MTSS1: variants seen among roughly 807,000 people sequenced by gnomAD.
The protein encoded by MTSS1 is protein MTSS 1.
A neutral mutation model predicts 79.0 loss-of-function variants in MTSS1; 18 were observed. The ratio of observed to expected loss-of-function variants is 0.23; its 90% confidence interval spans 0.16 to 0.34. MTSS1 has a LOEUF of 0.34. Ranked by LOEUF, MTSS1 falls within the 10% of genes least tolerant of loss-of-function variation. The pLI is 1.00. For missense variants in MTSS1, 815 were observed against 986.2 expected (o/e 0.83, Z 2.33); for synonymous variants, 341 against 368.6 (o/e 0.93, Z 0.86).
intron 3 of MTSS1, chr8:124,673,075 GACTAGTGC>G (rs1433166207): frequency 1.3e-5 from 2 of 152,120 alleles, no homozygotes; most frequent in Non-Finnish European, 2.9e-5. Flanking sequence ...GTTCTCGCTG[GACTAGTGC>G]ACTATGTTAG....
At chr8:124,585,572 G>A (rs1030743515) in intron 5 of MTSS1, among the ~76,000 whole-genome samples, 5 of 151,798 alleles carry the variant, frequency 3.3e-5, no homozygotes, top group Non-Finnish European at 4.4e-5. Flanking sequence ...CCACCACCAC[G>A]CCCAGCTAAT....
At chr8:124,586,978 A>C (rs1224965705) in intron 5 of MTSS1, among the ~76,000 whole-genome samples, 1 of 152,198 alleles carries the variant, frequency 6.6e-6, no homozygotes, top group Non-Finnish European at 1.5e-5. Context: ...CTACTCTTAT[A>C]AAAGGCCTTA....
At chr8:124,606,174 T>G (rs1177779211) in intron 3 of MTSS1, among the ~76,000 whole-genome samples, 2 of 144,622 alleles carry the variant, frequency 1.4e-5, no homozygotes, top group South Asian at 2.1e-4. Flanking sequence ...GTTTTTTGTT[T>G]TTTTTTTTTT....
At chr8:124,640,513 C>T (rs992783549) in intron 3 of MTSS1, among the ~76,000 whole-genome samples, 2 of 152,138 alleles carry the variant, frequency 1.3e-5, no homozygotes, top group African/African-American at 4.8e-5. Context: ...AGTTTCACTA[C>T]TTACAAAGTA....
intron 3 of MTSS1, among the ~76,000 whole-genome samples, chr8:124,698,506 C>CTTTTTTT (rs148481676): frequency 3.2e-5 from 4 of 124,766 alleles, no homozygotes; most frequent in African/African-American, 6.1e-5. Context: ...TGTTGCTTTT[C>CTTTTTTT]TTTTTTTTTT....
intron 3 of MTSS1, among the ~76,000 whole-genome samples, chr8:124,676,513 C>A (rs1484969292): frequency 6.6e-6 from 1 of 152,180 alleles, no homozygotes; most frequent in Non-Finnish European, 1.5e-5. Context: ...GGCAACCTGG[C>A]CAGCCTTCTG....
rs550654085 is a variant in MTSS1, at chr8:124,688,043, G to A, written c.208+11483C>T. ...TTTCCATGGTAACCGAGGTCCCTGG[G>A]CCCTAGCACACACAGCAGGAAATGC... On this transcript the variant is annotated intron_variant, in intron 3 of 13. Transcript: ENST00000518547. 1.0e-3 allele frequency among the ~76,000 whole-genome samples: 158 copies of A among 152,232 alleles called. 1 individual carries two copies. Among genetic ancestry groups the A allele is most frequent in the Non-Finnish European group, 1.9e-3 (129 of 68,014 alleles).
intron 3 of MTSS1, among the ~76,000 whole-genome samples, chr8:124,628,618 G>C (rs1263010856): frequency 6.6e-6 from 1 of 152,102 alleles, no homozygotes; most frequent in African/African-American, 2.4e-5. Flanking sequence ...CAACTCCATT[G>C]GGGAACTTTC....
chr8:124,589,613 C>G lies in MTSS1; in HGVS notation c.385+7G>C, dbSNP rs1401407218. On this transcript the variant is annotated splice_region_variant and intron_variant, in intron 5 of 13. Coordinates refer to ENST00000518547, the MANE Select transcript of MTSS1 (RefSeq NM_014751.6). ...GCAGTGATGCGCTAGACATCTCGCCCCTGTACCTTTTGCGTGGTCTTTATC... is the reference window on the plus strand; with the variant it reads ...GCAGTGATGCGCTAGACATCTCGCCGCTGTACCTTTTGCGTGGTCTTTATC... The G allele has an allele frequency of 2.0e-5, 33 of 1,611,558 alleles. No individual in the cohort carries two copies. The highest frequency in any genetic ancestry group is 2.8e-5 in the Non-Finnish European group (33 of 1,178,752).
At chr8:124,673,843 G>A (rs1824763024) in intron 3 of MTSS1, among the ~76,000 whole-genome samples, 1 of 152,152 alleles carries the variant, frequency 6.6e-6, no homozygotes, top group African/African-American at 2.4e-5. Context: ...AGATCTACCT[G>A]AAAAATGGCA....
intron 3 of MTSS1, among the ~76,000 whole-genome samples, chr8:124,615,851 C>G (rs1276072857): frequency 6.6e-6 from 1 of 152,242 alleles, no homozygotes; most frequent in African/African-American, 2.4e-5. Context: ...CCTAGAACTA[C>G]TGGTGGCCCT....
At chr8:124,616,551 C>T (rs1836905996) in intron 3 of MTSS1, among the ~76,000 whole-genome samples, 1 of 152,172 alleles carries the variant, frequency 6.6e-6, no homozygotes, top group African/African-American at 2.4e-5. Flanking sequence ...GTCCAGGTCT[C>T]ACCAGAGAGT....
At chr8:124,556,443 G>A in intron 11 of MTSS1, 38 bp from the exon 12 acceptor site, 1 of 1,570,604 alleles carries the variant, frequency 6.4e-7, no homozygotes, top group South Asian at 1.2e-5. Context: ...CAGGGCCTCT[G>A]CCTCCACTGG....
At chr8:124,594,232 T>C (rs1832356537) in intron 3 of MTSS1, among the ~76,000 whole-genome samples, 1 of 152,184 alleles carries the variant, frequency 6.6e-6, no homozygotes, top group African/African-American at 2.4e-5. Context: ...CCAAGGCTTC[T>C]CAGAAACAGA....
rs895032708 is a variant in MTSS1, at chr8:124,688,987, T to TA, written c.208+10538dup. Among the ~76,000 whole-genome samples the TA allele has an allele frequency of 5.9e-4, 86 of 146,024 alleles. 1 individual carries two copies. The highest frequency in any genetic ancestry group is 6.5e-4 in the South Asian group (3 of 4,598). ...AAAATGAAAGACCAGATAGTTCCTT[T>TA]AAAAAAAAAAACTTCCAAGTAGTTC... On this transcript the variant is annotated intron_variant, in intron 3 of 13. Coordinates refer to ENST00000518547, the MANE Select transcript of MTSS1 (RefSeq NM_014751.6).
intron 3 of MTSS1, among the ~76,000 whole-genome samples, chr8:124,685,429 T>C (rs567987932): frequency 9.2e-5 from 14 of 152,260 alleles, no homozygotes; most frequent in Admixed American, 3.3e-4. Context: ...AGGGAACAGG[T>C]AATGTACAGT....
chr8:124,620,806 C>G (rs760003144), intron 3 of MTSS1, among the ~76,000 whole-genome samples: 8 of 152,188 alleles, frequency 5.3e-5, no homozygotes, highest in Non-Finnish European at 1.2e-4. Flanking sequence ...TTTCATCTTC[C>G]TGCATAAAAA....
chr8:124,589,535 C>T (rs890668088), intron 5 of MTSS1, 85 bp downstream of exon 5: 1 of 1,071,542 alleles, frequency 9.3e-7, no homozygotes, highest in Non-Finnish European at 1.4e-6. Context: ...ACCAATAAAC[C>T]TAGCAGAGGG....
chr8:124,584,203 G>A (rs2132510605), intron 6 of MTSS1, among the ~76,000 whole-genome samples: 1 of 152,266 alleles, frequency 6.6e-6, no homozygotes, highest in East Asian at 1.9e-4. Context: ...CTGGTTTAGG[G>A]GAGAGAAAAT....
Sources: gnomAD v4.1 joint callset for allele counts (sites outside exome capture counted in the v4.1 genomes callset) on GRCh38, gnomAD v4.1.1 for gene constraint, MANE v1.5 for transcripts, NCBI Gene and HGNC (gene_info 2026-07-23, HGNC 2026-07-21) for gene names.